PHACTR1: variants seen among roughly 807,000 people sequenced by gnomAD.
The protein encoded by PHACTR1 is RPEL repeat containing 1.
Under a neutral mutation model 69.2 loss-of-function variants are expected in PHACTR1, and 16 were observed. The observed-to-expected ratio is 0.23, with a 90% CI of 0.16 to 0.35. The LOEUF (loss-of-function observed/expected upper bound fraction) is 0.35, where lower values mean the gene tolerates loss of function less well. Among genes scored for constraint, PHACTR1 ranks in the 10% least tolerant of loss-of-function variants. PHACTR1 has a pLI of 1.00. For missense variants in PHACTR1, 510 were observed against 734.7 expected (o/e 0.69, Z 3.54); for synonymous variants, 312 against 284.5 (o/e 1.10, Z -0.97).
chr6:12,990,817 A>C (rs1360724362), intron 4 of PHACTR1, among the ~76,000 whole-genome samples: 1 of 152,154 alleles, frequency 6.6e-6, no homozygotes, highest in African/African-American at 2.4e-5. Flanking sequence ...CAGGAGCTGG[A>C]GAGGGGATGG....
In PHACTR1 at chr6:13,042,444, C is replaced by T. The variant is rs115848622; in HGVS notation, c.251-10921C>T. Reference sequence around the variant, plus strand: ...AGGATCCTAGGGTTCATTAGGAATACTGCAGGCCTCAAAAGAGTGATTCTC... The same window carrying T: ...AGGATCCTAGGGTTCATTAGGAATATTGCAGGCCTCAAAAGAGTGATTCTC... On this transcript the variant is annotated intron_variant, in intron 4 of 14. Transcript: ENST00000332995. Among the ~76,000 whole-genome samples, 1,120 of 152,278 alleles carry T rather than the reference C, an allele frequency of 7.4e-3. 14 individuals carry two copies. The highest frequency in any genetic ancestry group is 0.026 in the African/African-American group (1,075 of 41,546).
intron 5 of PHACTR1, among the ~76,000 whole-genome samples, chr6:13,097,591 C>G (rs1174101042): frequency 6.6e-6 from 1 of 152,180 alleles, no homozygotes; most frequent in Non-Finnish European, 1.5e-5. Context: ...CCCCTCTTGC[C>G]CTGGCTAACC....
intron 4 of PHACTR1, among the ~76,000 whole-genome samples, chr6:12,782,577 T>C (rs1302161972): frequency 6.6e-6 from 1 of 152,234 alleles, no homozygotes; most frequent in Non-Finnish European, 1.5e-5. Flanking sequence ...TTTTACATTT[T>C]ATGAGCTTGG....
chr6:12,897,597 T>A (rs562490052), intron 4 of PHACTR1, among the ~76,000 whole-genome samples: 58 of 152,294 alleles, frequency 3.8e-4, no homozygotes, highest in Non-Finnish European at 4.1e-4. Context: ...TTTATTTATA[T>A]CCTCAATTTG....
intron 13 of PHACTR1, among the ~76,000 whole-genome samples, chr6:13,285,763 C>T (rs1417940906): frequency 2.0e-5 from 3 of 152,142 alleles, no homozygotes; most frequent in Admixed American, 6.5e-5. Context: ...GTCTCCACCT[C>T]GAGGCATCAC....
At chr6:13,186,695 G>T (rs1150607) in intron 7 of PHACTR1, among the ~76,000 whole-genome samples, 1 of 152,134 alleles carries the variant, frequency 6.6e-6, no homozygotes, top group East Asian at 1.9e-4. Context: ...ATAGGAATAT[G>T]TAACAGTTTA....
At chr6:13,058,931 T>A (rs1381403298) in intron 5 of PHACTR1, among the ~76,000 whole-genome samples, 1 of 151,410 alleles carries the variant, frequency 6.6e-6, no homozygotes, top group East Asian at 1.9e-4. Context: ...AATTCAGGAG[T>A]GTGAGTAGCT....
chr6:13,031,775 TA>T (rs35501614), intron 4 of PHACTR1, among the ~76,000 whole-genome samples: 25,148 of 152,232 alleles, frequency 0.17, 2,588 homozygotes, highest in South Asian at 0.26. Context: ...AAACAAGTAT[TA>T]AAAATTGCCA....
At chr6:12,935,124 A>G (rs1311987784) in intron 4 of PHACTR1, among the ~76,000 whole-genome samples, 1 of 152,254 alleles carries the variant, frequency 6.6e-6, no homozygotes, top group Non-Finnish European at 1.5e-5. Flanking sequence ...AAATATTACC[A>G]GTTGCTATTA....
intron 10 of PHACTR1, among the ~76,000 whole-genome samples, chr6:13,235,941 GC>G (rs1771926230): frequency 6.6e-6 from 1 of 152,184 alleles, no homozygotes; most frequent in Non-Finnish European, 1.5e-5. Flanking sequence ...AATGGAAAGT[GC>G]CTCACCATAT....
intron 5 of PHACTR1, among the ~76,000 whole-genome samples, chr6:13,137,839 G>A (rs1439367082): frequency 1.3e-5 from 2 of 152,184 alleles, no homozygotes; most frequent in African/African-American, 4.8e-5. Context: ...AGTCGGCTTG[G>A]GCCTCCTGGA....
chr6:13,094,655 G>A (rs770632267), intron 5 of PHACTR1, among the ~76,000 whole-genome samples: 4 of 152,172 alleles, frequency 2.6e-5, no homozygotes, highest in East Asian at 3.9e-4. Context: ...GCCCAGGAAC[G>A]AGGCTGAAGG....
intron 4 of PHACTR1, among the ~76,000 whole-genome samples, chr6:12,765,005 G>A (rs1009286743): frequency 2.0e-5 from 3 of 152,108 alleles, no homozygotes; most frequent in Non-Finnish European, 4.4e-5. Context: ...TTTCTGAATG[G>A]TAGCTGGCTT....
intron 4 of PHACTR1, among the ~76,000 whole-genome samples, chr6:12,905,597 A>G (rs1475222800): frequency 6.6e-6 from 1 of 152,142 alleles, no homozygotes; most frequent in Non-Finnish European, 1.5e-5. Flanking sequence ...GGAGAGGGAT[A>G]ACTAAAACAG....
At chr6:13,139,113 CT>C (rs10656438) in intron 5 of PHACTR1, among the ~76,000 whole-genome samples, 64 of 141,948 alleles carry the variant, frequency 4.5e-4, no homozygotes, top group Non-Finnish European at 4.3e-4. Context: ...TGCTATTTGC[CT>C]TTTTTTTTTT....
intron 6 of PHACTR1, among the ~76,000 whole-genome samples, chr6:13,173,058 C>T (rs962258323): frequency 3.9e-5 from 6 of 152,300 alleles, no homozygotes; most frequent in Non-Finnish European, 5.9e-5. Flanking sequence ...GTTCCCTGGT[C>T]CTACAGTCCC....
intron 4 of PHACTR1, among the ~76,000 whole-genome samples, chr6:12,799,801 T>C (rs1773489474): frequency 6.6e-6 from 1 of 152,230 alleles, no homozygotes; most frequent in South Asian, 2.1e-4. Context: ...TAGAATTTTT[T>C]CTAGGCAAAC....
Position 12,965,672 on chromosome 6 carries a change from G to A in PHACTR1, c.251-87693G>A, listed in dbSNP as rs187109649. On this transcript the variant is annotated intron_variant, in intron 4 of 14. Coordinates refer to ENST00000332995, the MANE Select transcript of PHACTR1 (RefSeq NM_030948.6). ...TGAATCAACGGTATGTGTTAAATCC[G>A]GCATGGTTCAACAGAAACAAACAGA... is the stretch of plus-strand genomic sequence containing the variant. Among the ~76,000 whole-genome samples the A allele has an allele frequency of 3.9e-5, 6 of 152,150 alleles. No homozygotes were observed. In the East Asian group the frequency reaches 5.8e-4, roughly 15 times the overall value.
At chr6:13,081,834 A>G (rs149176210) in intron 5 of PHACTR1, among the ~76,000 whole-genome samples, 1 of 152,312 alleles carries the variant, frequency 6.6e-6, no homozygotes, top group African/African-American at 2.4e-5. Flanking sequence ...CTCTAAAACA[A>G]TAAAAACAAG....
Sources: allele counts gnomAD v4.1 joint callset (sites outside exome capture counted in the v4.1 genomes callset), GRCh38; gene constraint gnomAD v4.1.1; transcripts MANE v1.5; gene names NCBI Gene and HGNC (gene_info 2026-07-23, HGNC 2026-07-21).